MYO7A: variants seen among roughly 807,000 people sequenced by gnomAD.
MYO7A encodes unconventional myosin-VIIa.
Under a neutral mutation model 263.8 loss-of-function variants are expected in MYO7A, and 210 were observed. The observed-to-expected ratio is 0.80, with a 90% CI of 0.71 to 0.89. The LOEUF (loss-of-function observed/expected upper bound fraction) is 0.89, where lower values mean the gene tolerates loss of function less well. MYO7A is among the 40% of genes least tolerant of loss of function. MYO7A has a pLI of 0.00. For synonymous variants in MYO7A, 1,239 were observed against 1,197.3 expected, an observed-to-expected ratio of 1.03 and a Z score of -0.72; for missense variants, 2,820 against 2,968.3, an observed-to-expected ratio of 0.95 and a Z score of 1.16.
At chr11:77,184,135 C>T (rs1354476095) in intron 26 of MYO7A, among the ~76,000 whole-genome samples, 5 of 152,140 alleles carry the variant, frequency 3.3e-5, no homozygotes, top group Admixed American at 2.6e-4. Context: ...TGGTGTGAGG[C>T]TGGTCACATC....
At chr11:77,134,068 T>C (rs1242080346) in intron 2 of MYO7A, among the ~76,000 whole-genome samples, 3 of 152,132 alleles carry the variant, frequency 2.0e-5, no homozygotes, top group Non-Finnish European at 4.4e-5. Flanking sequence ...TAGCTGGGAT[T>C]ACAAGCGTGC....
At chr11:77,213,325 T>C (rs1957988517) in intron 47 of MYO7A, among the ~76,000 whole-genome samples, 1 of 152,252 alleles carries the variant, frequency 6.6e-6, no homozygotes, top group South Asian at 2.1e-4. Flanking sequence ...GTCATGGGGC[T>C]GGCTGTGCAG....
chr11:77,198,366 C>T lies in MYO7A; in HGVS notation c.4442-129C>T, dbSNP rs1956822977. The T allele has an allele frequency of 3.1e-6, 4 of 1,276,084 alleles. No homozygotes were observed. The South Asian group carries it at 6.1e-5, about 19-fold the overall frequency. The allele number at this position is 1,276,084 out of a possible 1,614,324, so 79.0% of individuals were successfully genotyped here. On this transcript the variant is annotated intron_variant, in intron 33 of 48. Coordinates refer to ENST00000409709, the MANE Select transcript of MYO7A (RefSeq NM_000260.4). Reference sequence around the variant, plus strand: ...TTGGCACGTAGCGAGTTTGTGCTCTCTGAGCCTCAGTTTCCATATCTATAA... The same window carrying T: ...TTGGCACGTAGCGAGTTTGTGCTCTTTGAGCCTCAGTTTCCATATCTATAA...
chr11:77,182,317 C>T (rs961609818), intron 24 of MYO7A, 107 bp from the exon 25 acceptor site: 2 of 1,448,218 alleles, frequency 1.4e-6, no homozygotes, highest in Non-Finnish European at 1.8e-6. Flanking sequence ...TGAGGGCTGA[C>T]CATGCGGGAG....
chr11:77,156,810 A>G, intron 6 of MYO7A, 29 bp downstream of exon 6: 1 of 1,613,900 alleles, frequency 6.2e-7, no homozygotes, highest in Non-Finnish European at 8.5e-7. Flanking sequence ...GGGTGGGACC[A>G]GGCAGTGGGG....
intron 36 of MYO7A, 106 bp from the exon 37 acceptor site, chr11:77,202,194 C>G: frequency 7.2e-7 from 1 of 1,385,592 alleles, no homozygotes; most frequent in Non-Finnish European, 9.6e-7. Flanking sequence ...GGGGTCCATA[C>G]CCCTGAAGAG....
At chr11:77,134,692 G>T (rs782535232) in intron 2 of MYO7A, among the ~76,000 whole-genome samples, 1 of 148,552 alleles carries the variant, frequency 6.7e-6, no homozygotes, top group Non-Finnish European at 1.5e-5. Context: ...TAATTTTTTT[G>T]TATGGCTTTG....
chr11:77,137,413 A>G (rs1178867717), intron 2 of MYO7A, among the ~76,000 whole-genome samples: 2 of 152,052 alleles, frequency 1.3e-5, no homozygotes, highest in Non-Finnish European at 2.9e-5. Context: ...CCAGGATACT[A>G]GGCAATGCAG....
At position 77,156,021 on chromosome 11, in the gene MYO7A, A is replaced by C; in HGVS notation, c.400A>C (p.Ile134Leu). 6.2e-7 allele frequency: 1 copy of C among 1,613,928 alleles called. No homozygotes were observed. Among genetic ancestry groups the C allele is most frequent in the Admixed American group, 1.7e-5 (1 of 60,004 alleles). ...GAAGATTGGGGAGATGCCCCCCCAC[A>C]TCTTTGCCATTGCTGACAACTGCTA... ...NKKIGEMPPH[I>L]FAIADNCYFN... Residue 134 changes from isoleucine to leucine, a missense_variant, in exon 5 of 49, where the codon ATC (isoleucine) becomes CTC (leucine). Coordinates refer to ENST00000409709, the MANE Select transcript of MYO7A (RefSeq NM_000260.4).
At chr11:77,160,130 G>A in intron 10 of MYO7A, 33 bp from the exon 11 acceptor site, 2 of 1,542,250 alleles carry the variant, frequency 1.3e-6, no homozygotes, top group Non-Finnish European at 1.8e-6. Context: ...GGGCAGGCTG[G>A]CAGGTGAGCA....
intron 27 of MYO7A, chr11:77,185,124 C>T (rs1955568887): frequency 2.8e-6 from 1 of 358,852 alleles, no homozygotes; most frequent in African/African-American, 2.1e-5. Flanking sequence ...TGCTAATGGT[C>T]ATCTGAAAGT....
At position 77,157,356 on chromosome 11, in the gene MYO7A, C is replaced by T. The variant is rs781810349; in HGVS notation, c.813C>T (p.Gly271=). ...GTGAGGATCAGAAGAAGAAGCTGGG[C>T]TTGGGCCAGGCCTCTGACTACAACT... ...GMSEDQKKKL[G]LGQASDYNYL... The change falls in exon 8 of 49, where the codon GGC becomes GGT. Residue 271 remains glycine (G), a synonymous_variant. Coordinates refer to ENST00000409709, the MANE Select transcript of MYO7A (RefSeq NM_000260.4). 71 of 1,611,414 alleles carry T rather than the reference C, an allele frequency of 4.4e-5. No individual in the cohort carries two copies. Among genetic ancestry groups the T allele is most frequent in the Non-Finnish European group, 4.4e-5 (52 of 1,178,822 alleles).
intron 4 of MYO7A, among the ~76,000 whole-genome samples, chr11:77,149,829 G>A (rs1951842269): frequency 1.3e-5 from 2 of 152,142 alleles, no homozygotes; most frequent in African/African-American, 4.8e-5. Context: ...AGAGAGGCAG[G>A]GCATGGGGGG....
chr11:77,198,750 G>A, intron 34 of MYO7A, 129 bp downstream of exon 34: 5 of 1,401,346 alleles, frequency 3.6e-6, no homozygotes, highest in Non-Finnish European at 4.8e-6. Flanking sequence ...GGCAGTTTGT[G>A]CCGCACTGTG....
intron 42 of MYO7A, 102 bp from the exon 43 acceptor site, chr11:77,208,328 G>A (rs1957601406): frequency 4.4e-6 from 4 of 908,164 alleles, no homozygotes; most frequent in Non-Finnish European, 7.0e-6. Flanking sequence ...TGGGAGTGGA[G>A]TCTTCCCTGA....
At chr11:77,131,501 A>T (rs1950765815) in intron 2 of MYO7A, among the ~76,000 whole-genome samples, 1 of 151,836 alleles carries the variant, frequency 6.6e-6, no homozygotes, top group African/African-American at 2.4e-5. Flanking sequence ...GCTGGAGGAG[A>T]CCCCCTTTAG....
intron 16 of MYO7A, among the ~76,000 whole-genome samples, chr11:77,173,571 A>G (rs1954336728): frequency 6.6e-6 from 1 of 151,910 alleles, no homozygotes; most frequent in East Asian, 1.9e-4. Flanking sequence ...GGCTGGGGCC[A>G]CCTCGCTGCG....
intron 4 of MYO7A, among the ~76,000 whole-genome samples, chr11:77,150,404 C>T (rs1951881565): frequency 6.6e-6 from 1 of 152,140 alleles, no homozygotes; most frequent in South Asian, 2.1e-4. Context: ...CACAGTGAAT[C>T]TTGTTTGTAA....
chr11:77,172,985 T>C (rs1408658042), intron 16 of MYO7A, 100 bp downstream of exon 16: 4 of 1,441,148 alleles, frequency 2.8e-6, no homozygotes, highest in Non-Finnish European at 3.7e-6. Context: ...TGTGAGACTT[T>C]GTCCCTTTGG....
Sources: gnomAD v4.1 joint callset for allele counts (sites outside exome capture counted in the v4.1 genomes callset) on GRCh38, gnomAD v4.1.1 for gene constraint, MANE v1.5 for transcripts, NCBI Gene and HGNC (gene_info 2026-07-23, HGNC 2026-07-21) for gene names.